The following SLC44A3 variants were observed in gnomAD, a reference collection of about 807,000 sequenced individuals.
The protein encoded by SLC44A3 is choline transporter-like protein 3.
In SLC44A3, 74 loss-of-function variants were observed where a neutral mutation model predicts 75.4. The observed-to-expected ratio is 0.98, with a 90% CI of 0.81 to 1.19. The LOEUF is 1.19. Among genes scored for constraint, SLC44A3 ranks in the 50% most tolerant of loss-of-function variants. The probability of loss-of-function intolerance (pLI) is 0.00; values close to 1 mark genes in which losing one functional copy is unlikely to be tolerated. For missense variants in SLC44A3, 700 were observed against 778.6 expected (o/e 0.90, Z 1.20); for synonymous variants, 310 against 296.9 (o/e 1.04, Z -0.45).
intron 12 of SLC44A3, among the ~76,000 whole-genome samples, chr1:94,871,575 C>A (rs1391652453): frequency 6.6e-6 from 1 of 152,208 alleles, no homozygotes; most frequent in Non-Finnish European, 1.5e-5. Flanking sequence ...CCTAAGTGCA[C>A]ATCTCTTGTC....
chr1:94,881,028 A>G lies in SLC44A3; in HGVS notation c.1483-10102A>G, dbSNP rs1311813462. 2.6e-5 allele frequency among the ~76,000 whole-genome samples: 4 copies of G among 152,110 alleles called. No homozygotes were observed. The East Asian group carries it at 7.7e-4, about 29-fold the overall frequency. ...AGGCCAGCCTGGGCAATGTCGTAAG[A>G]CCCCGTCTCAAGAGAAAGAAAAGAT... On this transcript the variant is annotated intron_variant, in intron 12 of 14. Transcript: ENST00000271227.
intron 5 of SLC44A3, 70 bp from the exon 6 acceptor site, chr1:94,837,641 G>GTTAAATAAACATCTT: frequency 1.4e-6 from 2 of 1,447,392 alleles, no homozygotes; most frequent in Non-Finnish European, 9.2e-7. Flanking sequence ...TATTGAGAAT[G>GTTAAATAAACATCTT]TTAAATAAAC....
At chr1:94,890,652 A>G (rs1346927672) in intron 12 of SLC44A3, among the ~76,000 whole-genome samples, 2 of 152,116 alleles carry the variant, frequency 1.3e-5, no homozygotes, top group Non-Finnish European at 2.9e-5. Flanking sequence ...TGGTACCTAA[A>G]CTTCCTTTCC....
chr1:94,847,139 TGAAA>T (rs929453342), intron 9 of SLC44A3, among the ~76,000 whole-genome samples: 3 of 152,182 alleles, frequency 2.0e-5, no homozygotes, highest in Non-Finnish European at 2.9e-5. Context: ...TGTCTGGAAG[TGAAA>T]GAAAACTCAA....
chr1:94,861,554 A>G (rs917217478), intron 10 of SLC44A3, among the ~76,000 whole-genome samples: 1 of 152,208 alleles, frequency 6.6e-6, no homozygotes, highest in Non-Finnish European at 1.5e-5. Context: ...ACAATGATTT[A>G]TTTTTAGCAC....
chr1:94,840,605 T>C (rs545186205), intron 7 of SLC44A3, among the ~76,000 whole-genome samples: 1 of 152,294 alleles, frequency 6.6e-6, no homozygotes, highest in South Asian at 2.1e-4. Flanking sequence ...TGTAGTTTCT[T>C]CTGCTGTGCT....
In SLC44A3 at chr1:94,824,557, G is replaced by A. The variant is rs774037852; in HGVS notation, c.200G>A (p.Ser67Asn). 3 of 1,613,156 alleles carry A rather than the reference G, an allele frequency of 1.9e-6. No homozygotes were observed. The highest frequency in any genetic ancestry group is 2.5e-6 in the Non-Finnish European group (3 of 1,179,830). ...GGAAGACTCCTCTTTGGCTATGACA[G>A]CTTTGGCAACATGTGTGGCAAGAAG... ...AAGRLLFGYD[S>N]FGNMCGKKNS... Residue 67 changes from serine to asparagine, a missense_variant, in exon 3 of 15, where the codon AGC becomes AAC. Transcript: ENST00000271227.
At chr1:94,874,856 T>G (rs1668114507) in intron 12 of SLC44A3, among the ~76,000 whole-genome samples, 1 of 152,194 alleles carries the variant, frequency 6.6e-6, no homozygotes, top group Non-Finnish European at 1.5e-5. Context: ...ACTCTTGAAG[T>G]TTTGAAGACC....
chr1:94,857,563 A>C, intron 10 of SLC44A3, 63 bp downstream of exon 10: 2 of 1,453,282 alleles, frequency 1.4e-6, no homozygotes, highest in Non-Finnish European at 1.8e-6. Flanking sequence ...CTTCATGTTA[A>C]TATCTCAAAA....
intron 10 of SLC44A3, among the ~76,000 whole-genome samples, chr1:94,857,794 T>C (rs9432392): frequency 0.11 from 15,977 of 148,778 alleles, 1,023 homozygotes; most frequent in Middle Eastern, 0.19. Context: ...GGGGCTGCTC[T>C]GCCTATGGAG....
rs1019947411 is a variant in SLC44A3, at chr1:94,828,380, A to G, written c.416-113A>G. 5.5e-6 allele frequency: 4 copies of G among 722,928 alleles called. No individual in the cohort carries two copies. The African/African-American group carries it at 7.2e-5, about 13-fold the overall frequency. The allele number at this position is 722,928 out of a possible 1,614,324, so 44.8% of individuals were successfully genotyped here. ...TGCCTATTACTTTTGTGTTTCTGTC[A>G]CCCATAGACCTTGTAGTTGATTCTT... On this transcript the variant is annotated intron_variant, in intron 4 of 14. Coordinates refer to ENST00000271227, the MANE Select transcript of SLC44A3 (RefSeq NM_001114106.3).
chr1:94,872,345 C>T (rs190346518), intron 12 of SLC44A3, among the ~76,000 whole-genome samples: 93 of 152,242 alleles, frequency 6.1e-4, no homozygotes, highest in African/African-American at 2.2e-3. Context: ...ATCCACCCAC[C>T]TCAGCCTCCC....
intron 8 of SLC44A3, 129 bp from the exon 9 acceptor site, chr1:94,845,149 A>G: frequency 1.0e-6 from 1 of 981,418 alleles, no homozygotes; most frequent in South Asian, 1.8e-5. Context: ...TAAAATTATA[A>G]CAAAGTAGTG....
intron 12 of SLC44A3, chr1:94,889,323 C>T (rs1669945431): frequency 6.6e-6 from 1 of 152,088 alleles, no homozygotes; most frequent in Non-Finnish European, 1.5e-5. Flanking sequence ...CATCCTTTAT[C>T]CAAACCAAAA....
At chr1:94,855,648 G>C (rs945276708) in intron 9 of SLC44A3, among the ~76,000 whole-genome samples, 4 of 152,152 alleles carry the variant, frequency 2.6e-5, no homozygotes, top group Non-Finnish European at 5.9e-5. Context: ...CTGTTCCACT[G>C]TTTCTTACAA....
chr1:94,863,493 A>C (rs114069776), intron 10 of SLC44A3, among the ~76,000 whole-genome samples: 6 of 152,128 alleles, frequency 3.9e-5, no homozygotes, highest in African/African-American at 1.4e-4. Flanking sequence ...ATAAGTTCTA[A>C]GGCACACAAA....
chr1:94,854,842 G>A (rs1411458356), intron 9 of SLC44A3, among the ~76,000 whole-genome samples: 2 of 151,936 alleles, frequency 1.3e-5, no homozygotes, highest in East Asian at 3.9e-4. Context: ...GTAGAGAGGC[G>A]AGGCTTGTTG....
chr1:94,859,996 A>G (rs1666381672), intron 10 of SLC44A3, among the ~76,000 whole-genome samples: 1 of 152,230 alleles, frequency 6.6e-6, no homozygotes. Flanking sequence ...CATGCCTCAC[A>G]CAGAGCTTCC....
chr1:94,865,741 A>G (rs1245021506), intron 11 of SLC44A3, among the ~76,000 whole-genome samples: 1 of 152,172 alleles, frequency 6.6e-6, no homozygotes, highest in Non-Finnish European at 1.5e-5. Context: ...CAGTTTCACA[A>G]ACTTACCTGA....
Sources: gnomAD v4.1 joint callset for allele counts (sites outside exome capture counted in the v4.1 genomes callset) on GRCh38, gnomAD v4.1.1 for gene constraint, MANE v1.5 for transcripts, NCBI Gene and HGNC (gene_info 2026-07-23, HGNC 2026-07-21) for gene names.